Variants in STRN3 observed in about 807,000 individuals in gnomAD.
STRN3 encodes striatin-3.
In STRN3, 29 loss-of-function variants were observed where a neutral mutation model predicts 95.6. That is an observed-to-expected ratio of 0.30 (90% CI 0.23 to 0.41). The LOEUF (loss-of-function observed/expected upper bound fraction) is 0.41. Among genes scored for constraint, STRN3 ranks in the 10% least tolerant of loss-of-function variants. STRN3 has a pLI of 1.00. For synonymous variants in STRN3, 331 were observed against 357.6 expected (o/e 0.93, Z 0.84); for missense variants, 890 against 972.1 (o/e 0.92, Z 1.12).
intron 5 of STRN3, among the ~76,000 whole-genome samples, chr14:30,940,622 C>T (rs1342321371): frequency 6.6e-6 from 1 of 152,070 alleles, no homozygotes; most frequent in Non-Finnish European, 1.5e-5. Flanking sequence ...ATTATGGCCG[C>T]TGTATGGATC....
chr14:30,996,544 A>G (rs1260049630), intron 1 of STRN3, among the ~76,000 whole-genome samples: 1 of 152,216 alleles, frequency 6.6e-6, no homozygotes, highest in Non-Finnish European at 1.5e-5. Flanking sequence ...TTTGGCCTGT[A>G]AGCCATACTT....
chr14:31,001,382 A>C (rs887137483), intron 1 of STRN3, among the ~76,000 whole-genome samples: 3 of 151,998 alleles, frequency 2.0e-5, no homozygotes, highest in Admixed American at 2.0e-4. Flanking sequence ...AAAAAATTTA[A>C]AAATTTTGCC....
At chr14:30,924,287 C>CATTTTTT (rs1896959966) in intron 8 of STRN3, among the ~76,000 whole-genome samples, 1 of 77,228 alleles carries the variant, frequency 1.3e-5, no homozygotes, top group Non-Finnish European at 2.2e-5. Context: ...TGCCTTAAAT[C>CATTTTTT]TTTTTTTTTT....
chr14:31,003,569 T>G (rs898814186), intron 1 of STRN3, among the ~76,000 whole-genome samples: 4 of 152,132 alleles, frequency 2.6e-5, no homozygotes, highest in Admixed American at 6.6e-5. Context: ...AAAAGCTGAC[T>G]GTTGCTCTCT....
At chr14:30,933,067 G>A (rs766292291) in intron 7 of STRN3, among the ~76,000 whole-genome samples, 1 of 151,516 alleles carries the variant, frequency 6.6e-6, no homozygotes, top group Non-Finnish European at 1.5e-5. Context: ...TTGAGTCCAC[G>A]AGTTCAAGAC....
chr14:30,992,273 T>C (rs948717268), intron 1 of STRN3, among the ~76,000 whole-genome samples: 11 of 151,878 alleles, frequency 7.2e-5, no homozygotes, highest in African/African-American at 2.2e-4. Context: ...TAGCTGGGCA[T>C]GGTGGCGGGC....
intron 1 of STRN3, among the ~76,000 whole-genome samples, chr14:31,007,877 G>A (rs1031285605): frequency 2.6e-5 from 4 of 152,116 alleles, no homozygotes; most frequent in Admixed American, 2.6e-4. Context: ...AGGCAGCAGG[G>A]TAAGACCCTG....
At chr14:30,964,827 G>A (rs1228683760) in intron 1 of STRN3, among the ~76,000 whole-genome samples, 1 of 152,020 alleles carries the variant, frequency 6.6e-6, no homozygotes, top group Non-Finnish European at 1.5e-5. Context: ...GACTGAGGCA[G>A]GAGAATCACT....
rs1445351441 is a variant in STRN3, at chr14:30,998,471, C to G, written c.282+27433G>C. 2.0e-5 allele frequency among the ~76,000 whole-genome samples: 3 copies of G among 152,142 alleles called. No homozygotes were observed. In the East Asian group the frequency reaches 5.8e-4, roughly 29 times the overall value. On this transcript the variant is annotated intron_variant, in intron 1 of 17. Coordinates refer to ENST00000357479, the MANE Select transcript of STRN3 (RefSeq NM_001083893.2). ...CACTGTGCACATGCTCAGAAAAGAC[C>G]AGAGGAGGACCTAAACTCTCACCTC...
intron 1 of STRN3, among the ~76,000 whole-genome samples, chr14:30,967,993 C>G (rs1406200578): frequency 6.6e-6 from 1 of 152,126 alleles, no homozygotes; most frequent in East Asian, 1.9e-4. Flanking sequence ...GGAAAACTGC[C>G]TAATAACTGG....
At chr14:30,992,507 C>A (rs1882006429) in intron 1 of STRN3, among the ~76,000 whole-genome samples, 1 of 148,856 alleles carries the variant, frequency 6.7e-6, no homozygotes, top group Non-Finnish European at 1.5e-5. Flanking sequence ...CCAGCCTCAG[C>A]CTCCAAAAGT....
intron 10 of STRN3, 31 bp downstream of exon 10, chr14:30,913,493 A>G: frequency 6.4e-7 from 1 of 1,554,240 alleles, no homozygotes; most frequent in South Asian, 1.3e-5. Flanking sequence ...CTATTAAATC[A>G]TTAAAAAATT....
chr14:30,929,974 A>AAAACAAAAAAC lies in STRN3; in HGVS notation c.989-664_989-663insGTTTTTTGTTT, dbSNP rs1566441514. Among the ~76,000 whole-genome samples the AAAACAAAAAAC allele has an allele frequency of 4.1e-4, 62 of 150,008 alleles. 1 individual carries two copies. The highest frequency in any genetic ancestry group is 1.5e-3 in the African/African-American group (62 of 40,986). ...ATTAGCAAAAAAAAAAAAAAAAAAA[A>AAAACAAAAAAC]AAAAACTCAAATTCCACTGAAGAAT... is the stretch of plus-strand genomic sequence containing the variant. On this transcript the variant is annotated intron_variant, in intron 7 of 17. Coordinates refer to ENST00000357479, the MANE Select transcript of STRN3 (RefSeq NM_001083893.2).
chr14:30,968,452 C>T (rs1258963939), intron 1 of STRN3, among the ~76,000 whole-genome samples: 1 of 149,238 alleles, frequency 6.7e-6, no homozygotes, highest in Non-Finnish European at 1.5e-5. Context: ...GAGGCCGAGG[C>T]GGGCGGATCA....
intron 1 of STRN3, among the ~76,000 whole-genome samples, chr14:30,996,254 C>A (rs1038541884): frequency 4.8e-4 from 73 of 152,274 alleles, no homozygotes; most frequent in African/African-American, 1.6e-3. Flanking sequence ...CACCGACCAC[C>A]TAGTCACCCA....
chr14:30,929,967 A>AAAAAAACAAAAAAAAC (rs1878429818), intron 7 of STRN3, among the ~76,000 whole-genome samples: 5 of 91,214 alleles, frequency 5.5e-5, no homozygotes, highest in Admixed American at 1.4e-4. Flanking sequence ...AAAAAAAAAA[A>AAAAAAACAAAAAAAAC]AAAAAAAAAA....
intron 1 of STRN3, among the ~76,000 whole-genome samples, chr14:31,011,949 G>A (rs1882989435): frequency 6.6e-6 from 1 of 152,192 alleles, no homozygotes; most frequent in South Asian, 2.1e-4. Flanking sequence ...GGGCATGGTG[G>A]CAGGCGCCTG....
rs1345084134 is a variant in STRN3 at position 30,936,577 on chromosome 14, T to G, written c.764A>C (p.Asp255Ala). 3 of 1,613,720 alleles carry G rather than the reference T, an allele frequency of 1.9e-6. No individual in the cohort carries two copies. Among genetic ancestry groups the G allele is most frequent in the Non-Finnish European group, 2.5e-6 (3 of 1,179,870 alleles). ...ATTTTCCTCATCTTCATCACTGTCATCGGCATTTTCTAAGAAATTGAACGT... is the reference window on the plus strand; with the variant it reads ...ATTTTCCTCATCTTCATCACTGTCAGCGGCATTTTCTAAGAAATTGAACGT... ...LETFNFLENA[D>A]DSDEDEENDM... The change falls in exon 6 of 18, where the codon GAT becomes GCT. Residue 255 changes from aspartate to alanine, a missense_variant. Physicochemically the swap from Asp to Ala is moderately radical, Grantham distance 126. This residue lies in a region of STRN3 where 526 missense variants were observed against 526.3 expected (regional missense o/e 1.00). Coordinates refer to ENST00000357479, the MANE Select transcript of STRN3 (RefSeq NM_001083893.2).
Position 30,935,262 on chromosome 14 carries a change from C to T in STRN3, c.889G>A (p.Asp297Asn). The change falls in exon 7 of 18, where the codon GAT becomes AAT. Residue 297 changes from aspartate (D) to asparagine (N), a missense_variant. Around this residue, in one of 3 missense-constraint regions of STRN3, gnomAD observed 526 missense variants for 526.3 expected, o/e 1.00. Coordinates refer to ENST00000357479, the MANE Select transcript of STRN3 (RefSeq NM_001083893.2). The part of the protein sequence containing the change: ...GLAADLTDDP[D>N]TEEALKEFDF... ...AATTCTTTCAGTGCTTCCTCAGTAT[C>T]AGGATCGTCAGTTAGGTCAGCAGCT... is the stretch of plus-strand genomic sequence containing the variant. 6.2e-7 allele frequency: 1 copy of T among 1,614,124 alleles called. No homozygotes were observed. Among genetic ancestry groups the T allele is most frequent in the Non-Finnish European group, 8.5e-7 (1 of 1,179,998 alleles).
Sources: allele counts gnomAD v4.1 joint callset (sites outside exome capture counted in the v4.1 genomes callset), GRCh38; gene constraint gnomAD v4.1.1; regional missense constraint gnomAD v4.1.1; transcripts MANE v1.5; gene names NCBI Gene and HGNC (gene_info 2026-07-23, HGNC 2026-07-21).